The following GPC6 variants were observed in gnomAD, a reference collection of about 807,000 sequenced individuals.
GPC6 encodes the protein glypican 6.
In GPC6, 14 loss-of-function variants were observed where a neutral mutation model predicts 55.2. The ratio of observed to expected loss-of-function variants is 0.25; its 90% CI spans 0.17 to 0.40. The LOEUF (loss-of-function observed/expected upper bound fraction) is 0.40. Among genes scored for constraint, GPC6 ranks in the 10% least tolerant of loss-of-function variants. GPC6 has a pLI of 1.00. For missense variants in GPC6, 641 were observed against 708.5 expected, an observed-to-expected ratio of 0.90 and a Z score of 1.08; for synonymous variants, 278 against 259.6, an observed-to-expected ratio of 1.07 and a Z score of -0.68.
intron 3 of GPC6, among the ~76,000 whole-genome samples, chr13:93,935,112 C>T (rs1334883190): frequency 6.6e-6 from 1 of 151,928 alleles, no homozygotes; most frequent in Non-Finnish European, 1.5e-5. Flanking sequence ...TGTGTTGTTG[C>T]TGGTTTTTTT....
chr13:94,103,403 G>A (rs897161515), intron 4 of GPC6, among the ~76,000 whole-genome samples: 1 of 152,184 alleles, frequency 6.6e-6, no homozygotes, highest in African/African-American at 2.4e-5. Context: ...TATATACCCA[G>A]TAATGGGATC....
At chr13:93,635,410 T>C (rs1879650993) in intron 2 of GPC6, among the ~76,000 whole-genome samples, 1 of 152,142 alleles carries the variant, frequency 6.6e-6, no homozygotes. Context: ...AAGGCCAGTG[T>C]TGATATGGAA....
chr13:94,097,228 C>T (rs1260262029), intron 4 of GPC6, among the ~76,000 whole-genome samples: 2 of 151,952 alleles, frequency 1.3e-5, no homozygotes, highest in Non-Finnish European at 2.9e-5. Context: ...TTGGGCAGGG[C>T]GCGGTGGCTC....
chr13:93,417,274 T>C (rs559375565), intron 1 of GPC6, among the ~76,000 whole-genome samples: 2 of 152,256 alleles, frequency 1.3e-5, no homozygotes, highest in East Asian at 3.9e-4. Flanking sequence ...GACATAGCCT[T>C]GGAGTAATGT....
chr13:93,826,554 C>T (rs1224287670), intron 2 of GPC6, among the ~76,000 whole-genome samples: 1 of 152,170 alleles, frequency 6.6e-6, no homozygotes, highest in African/African-American at 2.4e-5. Context: ...TTATATAGTA[C>T]TTAATCCAAT....
chr13:93,874,773 A>G (rs1045884413), intron 3 of GPC6, among the ~76,000 whole-genome samples: 6 of 151,790 alleles, frequency 4.0e-5, no homozygotes, highest in African/African-American at 1.2e-4. Context: ...CTCCTTCTTC[A>G]TATCTCCTAG....
At chr13:93,776,028 CT>C (rs1222211021) in intron 2 of GPC6, among the ~76,000 whole-genome samples, 7 of 55,312 alleles carry the variant, frequency 1.3e-4, no homozygotes, top group East Asian at 5.1e-4. Flanking sequence ...CTTTTAAAGC[CT>C]TTTTTTTCCG....
intron 1 of GPC6, among the ~76,000 whole-genome samples, chr13:93,352,903 G>A (rs1000538792): frequency 3.3e-5 from 5 of 152,218 alleles, no homozygotes; most frequent in South Asian, 2.1e-4. Flanking sequence ...ATTAGGAAGC[G>A]CTTGCAGGAG....
At chr13:93,451,218 T>G (rs1230375673) in intron 1 of GPC6, among the ~76,000 whole-genome samples, 1 of 152,246 alleles carries the variant, frequency 6.6e-6, no homozygotes, top group Non-Finnish European at 1.5e-5. Context: ...GTAATTTATA[T>G]TACTCACAAA....
intron 2 of GPC6, among the ~76,000 whole-genome samples, chr13:93,557,569 C>A (rs932824548): frequency 6.6e-6 from 1 of 152,128 alleles, no homozygotes; most frequent in Non-Finnish European, 1.5e-5. Flanking sequence ...ATTAGACCAG[C>A]CAGGCTTGTT....
chr13:94,304,703 CAGCAAAGGA>C (rs1875850365), intron 5 of GPC6, among the ~76,000 whole-genome samples: 1 of 152,180 alleles, frequency 6.6e-6, no homozygotes, highest in Admixed American at 6.5e-5. Context: ...CTTCTAAAAA[CAGCAAAGGA>C]AGTGTCTCCA....
intron 2 of GPC6, among the ~76,000 whole-genome samples, chr13:93,610,114 A>T (rs181940230): frequency 2.0e-5 from 3 of 152,170 alleles, no homozygotes; most frequent in Non-Finnish European, 4.4e-5. Context: ...CACCAATTTC[A>T]TGAGATACAA....
At chr13:93,569,175 T>A (rs1876280742) in intron 2 of GPC6, among the ~76,000 whole-genome samples, 1 of 152,180 alleles carries the variant, frequency 6.6e-6, no homozygotes, top group Admixed American at 6.6e-5. Flanking sequence ...GAACATGATA[T>A]AATAGTCTTT....
In GPC6 at chr13:93,596,068, C is replaced by T. The variant is rs570581492; in HGVS notation, c.319+50647C>T. Among the ~76,000 whole-genome samples, 24 of 152,270 alleles carry T rather than the reference C, an allele frequency of 1.6e-4. 1 individual carries two copies. The highest frequency in any genetic ancestry group is 5.5e-4 in the African/African-American group (23 of 41,562). Reference sequence around the variant, plus strand: ...TGAGGCTGCCAAAAACCATGTCTATCATACAGATATTGCATTATTCAGCTC... The same window carrying T: ...TGAGGCTGCCAAAAACCATGTCTATTATACAGATATTGCATTATTCAGCTC... On this transcript the variant is annotated intron_variant, in intron 2 of 8. Transcript: ENST00000377047.
intron 1 of GPC6, among the ~76,000 whole-genome samples, chr13:93,256,358 C>A (rs987965769): frequency 1.3e-5 from 2 of 151,162 alleles, no homozygotes; most frequent in African/African-American, 4.9e-5. Context: ...CCTTAAAATG[C>A]GTTTAGTAGG....
At chr13:94,120,423 C>A (rs1482966565) in intron 4 of GPC6, among the ~76,000 whole-genome samples, 1 of 151,998 alleles carries the variant, frequency 6.6e-6, no homozygotes, top group Non-Finnish European at 1.5e-5. Flanking sequence ...TACCTTAATT[C>A]CTCTATTCTT....
chr13:93,562,591 T>G (rs1461174870), intron 2 of GPC6, among the ~76,000 whole-genome samples: 1 of 152,160 alleles, frequency 6.6e-6, no homozygotes, highest in Non-Finnish European at 1.5e-5. Context: ...CAATTTGCTT[T>G]TACTATTTTT....
At chr13:93,297,694 C>T (rs1878541053) in intron 1 of GPC6, among the ~76,000 whole-genome samples, 1 of 151,860 alleles carries the variant, frequency 6.6e-6, no homozygotes. Context: ...GCTAAAATGT[C>T]ACCTCCTCCA....
intron 7 of GPC6, among the ~76,000 whole-genome samples, chr13:94,397,462 C>A (rs1880941579): frequency 6.6e-6 from 1 of 152,126 alleles, no homozygotes; most frequent in South Asian, 2.1e-4. Flanking sequence ...TTTGATTTTA[C>A]CCTTCTGTTT....
Sources: allele counts gnomAD v4.1 joint callset (sites outside exome capture counted in the v4.1 genomes callset), GRCh38; gene constraint gnomAD v4.1.1; transcripts MANE v1.5; gene names NCBI Gene and HGNC (gene_info 2026-07-23, HGNC 2026-07-21).